The following CTBS variants were observed in gnomAD, a reference collection of about 807,000 sequenced individuals.
CTBS encodes the protein chitobiase, also known as di-N-acetylchitobiase.
A neutral mutation model predicts 44.3 loss-of-function variants in CTBS; 35 were observed. The ratio of observed to expected loss-of-function variants is 0.79; its 90% CI spans 0.60 to 1.05. The LOEUF (loss-of-function observed/expected upper bound fraction) is 1.05. Among genes scored for constraint, CTBS ranks in the 50% least tolerant of loss-of-function variants. The pLI, the probability that CTBS is intolerant of heterozygous loss-of-function variation, is 0.00. For missense variants in CTBS, 458 were observed against 475.3 expected, an observed-to-expected ratio of 0.96 and a Z score of 0.34; for synonymous variants, 143 against 168.0, an observed-to-expected ratio of 0.85 and a Z score of 1.15.
rs563613999 is a variant in CTBS, at chr1:84,557,394, G to A, written c.958-2195C>T. ...CTACAAATACAAAAATTAGCTGGGT[G>A]TGGTGATGCATGCCTGTAATCCCAG... On this transcript the variant is annotated intron_variant, in intron 6 of 6. Coordinates refer to ENST00000370630, the MANE Select transcript of CTBS (RefSeq NM_004388.3). Among the ~76,000 whole-genome samples the A allele has an allele frequency of 1.5e-4, 23 of 152,016 alleles. 2 individuals are homozygous for A. The South Asian group carries it at 4.8e-3, about 32-fold the overall frequency.
At position 84,551,080 on chromosome 1, in the gene CTBS, A is replaced by G. The variant is rs141640511; in HGVS notation, c.*3919T>C. ...TAGTAGAGGCTTCTGGGCATGCTCT[A>G]TTTGGTGAGAATTGTGTACAACTAA... is the stretch of plus-strand genomic sequence containing the variant. On this transcript the variant is annotated 3_prime_UTR_variant, in exon 7 of 7. Coordinates refer to ENST00000370630, the MANE Select transcript of CTBS (RefSeq NM_004388.3). The G allele has an allele frequency of 4.0e-5, 39 of 985,286 alleles. 1 individual carries two copies. The East Asian group carries it at 4.2e-3, about 106-fold the overall frequency. 61.0% of individuals were successfully genotyped at this position (985,286 alleles called of 1,614,324 possible). A position where few individuals can be genotyped will look rare whatever the true frequency, so the allele number is the denominator to read the frequency against.
At chr1:84,564,790 A>G in intron 4 of CTBS, among the ~76,000 whole-genome samples, 1 of 152,156 alleles carries the variant, frequency 6.6e-6, no homozygotes, top group East Asian at 1.9e-4. Flanking sequence ...TCATGCCTGT[A>G]ATTGAAGCTC....
At chr1:84,571,679 GA>G (rs1647304194) in intron 1 of CTBS, among the ~76,000 whole-genome samples, 1 of 152,186 alleles carries the variant, frequency 6.6e-6, no homozygotes, top group South Asian at 2.1e-4. Flanking sequence ...AAAGATTAAT[GA>G]GAGAGACCAG....
intron 6 of CTBS, among the ~76,000 whole-genome samples, chr1:84,558,017 G>A (rs974486434): frequency 6.6e-6 from 1 of 152,066 alleles, no homozygotes; most frequent in African/African-American, 2.4e-5. Flanking sequence ...CCAGAGGCTG[G>A]GGGTGGGAAG....
chr1:84,565,116 C>A (rs1684666357), intron 4 of CTBS, among the ~76,000 whole-genome samples: 1 of 151,600 alleles, frequency 6.6e-6, no homozygotes, highest in African/African-American at 2.4e-5. Context: ...GAGGCTAAGG[C>A]TGAGCTTGTG....
intron 6 of CTBS, among the ~76,000 whole-genome samples, chr1:84,562,697 T>C (rs978037548): frequency 2.6e-5 from 4 of 152,242 alleles, no homozygotes; most frequent in Admixed American, 6.5e-5. Context: ...CTTGACAGAA[T>C]TGCTAATCAC....
At chr1:84,555,362 A>G (rs1252799058) in intron 6 of CTBS, among the ~76,000 whole-genome samples, 163 bp from the exon 7 acceptor site, 1 of 152,318 alleles carries the variant, frequency 6.6e-6, no homozygotes, top group South Asian at 2.1e-4. Flanking sequence ...TTAGGGCATA[A>G]CACTTTCCTA....
In CTBS at chr1:84,555,189, C is replaced by T; in HGVS notation, c.968G>A (p.Gly323Asp). The T allele has an allele frequency of 1.2e-6, 2 of 1,610,614 alleles. No homozygotes were observed. The highest frequency in any genetic ancestry group is 1.1e-5 in the South Asian group (1 of 90,864). ...ATCATACCATACTTGATGAAAGTGG[C>T]CAGCAGGATCCTATATAAATAAATT... The part of the protein sequence containing the change: ...APYYNYKDPA[G>D]HFHQVWYDNP... The change falls in exon 7 of 7, where the codon GGC becomes GAC. Residue 323 changes from glycine to aspartate, a missense_variant. Coordinates refer to ENST00000370630, the MANE Select transcript of CTBS (RefSeq NM_004388.3).
At chr1:84,565,019 AC>A (rs888250910) in intron 4 of CTBS, among the ~76,000 whole-genome samples, 1 of 152,074 alleles carries the variant, frequency 6.6e-6, no homozygotes, top group Non-Finnish European at 1.5e-5. Context: ...AGCCTGGGCA[AC>A]AAAGCAAGAC....
chr1:84,566,230 A>G (rs1475797052), intron 3 of CTBS: 3 of 227,186 alleles, frequency 1.3e-5, no homozygotes, highest in African/African-American at 6.8e-5. Flanking sequence ...TGGACATACA[A>G]TGACCAGGAG....
intron 3 of CTBS, among the ~76,000 whole-genome samples, chr1:84,569,038 G>A (rs1029517841): frequency 6.6e-6 from 1 of 152,122 alleles, no homozygotes; most frequent in East Asian, 1.9e-4. Context: ...TTTTAAACAA[G>A]CACTCTCAGG....
chr1:84,563,193 C>T, intron 6 of CTBS, 64 bp downstream of exon 6: 1 of 1,107,724 alleles, frequency 9.0e-7, no homozygotes, highest in Non-Finnish European at 1.2e-6. Context: ...TATCAAACAT[C>T]TAATTATGAA....
At chr1:84,571,872 CA>C (rs992395209) in intron 1 of CTBS, among the ~76,000 whole-genome samples, 6 of 152,200 alleles carry the variant, frequency 3.9e-5, no homozygotes, top group Non-Finnish European at 8.8e-5. Flanking sequence ...TACCTATGGA[CA>C]AAAGATTGCA....
Position 84,554,708 on chromosome 1 carries a change from A to G in CTBS, c.*291T>C, listed in dbSNP as rs1374395737. On this transcript the variant is annotated 3_prime_UTR_variant, in exon 7 of 7. Coordinates refer to ENST00000370630, the MANE Select transcript of CTBS (RefSeq NM_004388.3). ...CATATATTTTACTATAATGAAGGGA[A>G]ATATGGCATAATAAAATTCTGAAAG... 1 of 260,798 alleles carries G rather than the reference A, an allele frequency of 3.8e-6. No homozygotes were observed. Among genetic ancestry groups the G allele is most frequent in the Admixed American group, 4.8e-5 (1 of 20,700 alleles). 16.2% of individuals were successfully genotyped at this position (260,798 alleles called of 1,614,324 possible). A position where few individuals can be genotyped will look rare whatever the true frequency, so the allele number is the denominator to read the frequency against.
At chr1:84,566,212 C>A in intron 3 of CTBS, 200 bp from the exon 4 acceptor site, 1 of 255,358 alleles carries the variant, frequency 3.9e-6, no homozygotes, top group Non-Finnish European at 7.3e-6. Flanking sequence ...CTGAGTCAGA[C>A]ATATATTTGG....
In CTBS at chr1:84,570,699, G is replaced by C; in HGVS notation, c.199C>G (p.Gln67Glu). 2 of 1,613,588 alleles carry C rather than the reference G, an allele frequency of 1.2e-6. No homozygotes were observed. Among genetic ancestry groups the C allele is most frequent in the South Asian group, 2.2e-5 (2 of 90,972 alleles). ...CAATCATAAGATTTCCAAGTTTTCTGTCCAACATCAAACACAAAGACCTGC... is the reference window on the plus strand; with the variant it reads ...CAATCATAAGATTTCCAAGTTTTCTCTCCAACATCAAACACAAAGACCTGC... ...DFEVFVFDVGQKTWKSYDWSQ... is the reference protein window; with the variant it reads ...DFEVFVFDVGEKTWKSYDWSQ... Residue 67 changes from glutamine (Q) to glutamate (E), a missense_variant, in exon 2 of 7, where the codon CAG becomes GAG. Gln to Glu is a conservative substitution (Grantham distance 29). Transcript: ENST00000370630.
intron 4 of CTBS, among the ~76,000 whole-genome samples, chr1:84,564,918 A>G (rs1181454806): frequency 6.6e-6 from 1 of 152,048 alleles, no homozygotes. Context: ...GCATGCCTGT[A>G]TACCCAGCTA....
At chr1:84,565,766 CT>C in intron 4 of CTBS, 74 bp downstream of exon 4, 1 of 856,738 alleles carries the variant, frequency 1.2e-6, no homozygotes. Context: ...CTTAGAAATA[CT>C]AAAAACATCT....
intron 4 of CTBS, among the ~76,000 whole-genome samples, chr1:84,565,274 T>C (rs75628655): frequency 0.015 from 2,337 of 151,140 alleles, 56 homozygotes; most frequent in African/African-American, 0.053. Flanking sequence ...TACAAACCAA[T>C]CCAAACTTTG....
Sources: allele counts gnomAD v4.1 joint callset (sites outside exome capture counted in the v4.1 genomes callset), GRCh38; gene constraint gnomAD v4.1.1; transcripts MANE v1.5; gene names NCBI Gene and HGNC (gene_info 2026-07-23, HGNC 2026-07-21).